The following CHCHD3 variants were observed in gnomAD, a reference collection of about 807,000 sequenced individuals.
CHCHD3 encodes coiled-coil-helix-coiled-coil-helix domain containing 3.
CHCHD3 carries 20 observed loss-of-function variants against 38.2 expected under a neutral mutation model. That is an observed-to-expected ratio of 0.52 (90% CI 0.37 to 0.76). The LOEUF is 0.76. CHCHD3 is among the 30% of genes least tolerant of loss of function. The pLI is 0.00. For missense variants in CHCHD3, 245 were observed against 279.2 expected (o/e 0.88, Z 0.87); for synonymous variants, 82 against 100.0 (o/e 0.82, Z 1.07).
chr7:133,008,259 C>T (rs1161126313), intron 3 of CHCHD3, among the ~76,000 whole-genome samples: 2 of 151,904 alleles, frequency 1.3e-5, no homozygotes, highest in African/African-American at 4.8e-5. Flanking sequence ...TCCTATTCTT[C>T]GACATTTTGC....
intron 4 of CHCHD3, among the ~76,000 whole-genome samples, chr7:132,950,205 T>C (rs1012796285): frequency 3.3e-5 from 5 of 152,132 alleles, no homozygotes; most frequent in South Asian, 2.1e-4. Flanking sequence ...AAACTAACTA[T>C]TGGGTACTAC....
chr7:133,072,640 C>G (rs1176675770), intron 1 of CHCHD3, among the ~76,000 whole-genome samples: 1 of 151,956 alleles, frequency 6.6e-6, no homozygotes, highest in African/African-American at 2.4e-5. Context: ...GAGATCGAGA[C>G]CATCCTGGCT....
chr7:132,876,059 C>A (rs1282092987), intron 5 of CHCHD3, among the ~76,000 whole-genome samples: 1 of 152,218 alleles, frequency 6.6e-6, no homozygotes. Flanking sequence ...CACTTTCTAA[C>A]AGAAGCACTG....
intron 5 of CHCHD3, among the ~76,000 whole-genome samples, chr7:132,842,507 G>A (rs945239087): frequency 1.3e-5 from 2 of 152,146 alleles, no homozygotes; most frequent in African/African-American, 4.8e-5. Flanking sequence ...GCTATTTCCA[G>A]TTTTCCCACT....
intron 4 of CHCHD3, among the ~76,000 whole-genome samples, chr7:132,963,691 T>TTA (rs1811387080): frequency 4.2e-5 from 2 of 47,504 alleles, no homozygotes; most frequent in East Asian, 1.1e-3. Context: ...ACACAAACGA[T>TTA]TATACACACA....
chr7:132,899,129 G>C (rs1257011124), intron 4 of CHCHD3, among the ~76,000 whole-genome samples: 4 of 152,232 alleles, frequency 2.6e-5, no homozygotes, highest in Non-Finnish European at 4.4e-5. Flanking sequence ...CGCCGAGAGC[G>C]AGCGAGGGCT....
In CHCHD3 at chr7:133,081,598, T is replaced by C. The variant is rs184723045; in HGVS notation, c.81+259A>G. 6.6e-4 allele frequency among the ~76,000 whole-genome samples: 101 copies of C among 152,192 alleles called. 1 individual carries two copies. The highest frequency in any genetic ancestry group is 2.4e-3 in the African/African-American group (98 of 41,536). ...GAGCAGTACAGTTACGAGTAGACTG[T>C]GAGCCCTTGCAGGGTATAATTCAAC... On this transcript the variant is annotated intron_variant, in intron 1 of 7. Transcript: ENST00000262570.
intron 6 of CHCHD3, among the ~76,000 whole-genome samples, chr7:132,832,796 C>G (rs1379973345): frequency 6.6e-6 from 1 of 152,176 alleles, no homozygotes; most frequent in African/African-American, 2.4e-5. Context: ...AGATCTGATT[C>G]TGACATTGAC....
intron 5 of CHCHD3, among the ~76,000 whole-genome samples, chr7:132,859,010 GC>G (rs1808416810): frequency 6.6e-6 from 1 of 152,136 alleles, no homozygotes; most frequent in South Asian, 2.1e-4. Context: ...AATCCAAGCA[GC>G]CGAGCTCCAG....
chr7:132,888,727 A>T (rs1394120677), intron 4 of CHCHD3, among the ~76,000 whole-genome samples: 1 of 152,100 alleles, frequency 6.6e-6, no homozygotes, highest in African/African-American at 2.4e-5. Flanking sequence ...ATCCAGCCAT[A>T]TAATCAAACA....
At chr7:132,945,087 T>C (rs1251625546) in intron 4 of CHCHD3, among the ~76,000 whole-genome samples, 1 of 151,956 alleles carries the variant, frequency 6.6e-6, no homozygotes, top group African/African-American at 2.4e-5. Context: ...CCTTCTACTT[T>C]TTTCTCTTGT....
chr7:133,054,015 T>C (rs1472458806), intron 2 of CHCHD3, among the ~76,000 whole-genome samples: 1 of 152,230 alleles, frequency 6.6e-6, no homozygotes, highest in Non-Finnish European at 1.5e-5. Context: ...ATTGCTTCAT[T>C]AGTGCACAAA....
At chr7:132,803,315 T>G (rs920152837) in intron 6 of CHCHD3, among the ~76,000 whole-genome samples, 1 of 151,838 alleles carries the variant, frequency 6.6e-6, no homozygotes, top group Non-Finnish European at 1.5e-5. Context: ...ACTTTTTATT[T>G]GAATATCTCA....
At chr7:132,993,131 C>T (rs1681328596) in intron 3 of CHCHD3, among the ~76,000 whole-genome samples, 1 of 152,050 alleles carries the variant, frequency 6.6e-6, no homozygotes, top group Non-Finnish European at 1.5e-5. Flanking sequence ...TCTCTTTATC[C>T]TTAGAGTTCT....
At chr7:133,042,392 C>G (rs558976902) in intron 2 of CHCHD3, among the ~76,000 whole-genome samples, 1 of 152,190 alleles carries the variant, frequency 6.6e-6, no homozygotes, top group Non-Finnish European at 1.5e-5. Flanking sequence ...CAAGAGAACA[C>G]ATTCTGAGAC....
chr7:132,974,681 C>A (rs1245231323), intron 4 of CHCHD3, among the ~76,000 whole-genome samples: 1 of 152,146 alleles, frequency 6.6e-6, no homozygotes, highest in African/African-American at 2.4e-5. Flanking sequence ...CAAGACCAGC[C>A]TGGCCAAGAT....
At chr7:132,868,234 C>T (rs150387960) in intron 5 of CHCHD3, among the ~76,000 whole-genome samples, 76 of 151,920 alleles carry the variant, frequency 5.0e-4, no homozygotes, top group African/African-American at 1.7e-3. Flanking sequence ...GCAAAGCTGA[C>T]GGGAAGTTGT....
At chr7:132,918,126 T>TA (rs1810163262) in intron 4 of CHCHD3, among the ~76,000 whole-genome samples, 1 of 152,186 alleles carries the variant, frequency 6.6e-6, no homozygotes, top group African/African-American at 2.4e-5. Flanking sequence ...AAGACTGGCT[T>TA]AGTGATTCAT....
chr7:132,790,744 G>A (rs1196550894), intron 7 of CHCHD3, among the ~76,000 whole-genome samples: 1 of 152,200 alleles, frequency 6.6e-6, no homozygotes, highest in Non-Finnish European at 1.5e-5. Flanking sequence ...TGGCCACCGT[G>A]TACATCGGGG....
Sources: allele counts gnomAD v4.1 joint callset (sites outside exome capture counted in the v4.1 genomes callset), GRCh38; gene constraint gnomAD v4.1.1; transcripts MANE v1.5; gene names NCBI Gene and HGNC (gene_info 2026-07-23, HGNC 2026-07-21).